Variants in NRCAM observed in about 807,000 individuals in gnomAD.
NRCAM encodes neuronal cell adhesion molecule, also known as NgCAM-related cell adhesion molecule.
In NRCAM, 83 loss-of-function variants were observed where a neutral mutation model predicts 156.5. The ratio of observed to expected loss-of-function variants is 0.53; its 90% CI spans 0.44 to 0.64. The LOEUF is 0.64. NRCAM is among the 30% of genes least tolerant of loss of function. The probability of loss-of-function intolerance (pLI) is 0.00; values close to 1 mark genes in which losing one functional copy is unlikely to be tolerated. For missense variants in NRCAM, 1,417 were observed against 1,597.3 expected (o/e 0.89, Z 1.92); for synonymous variants, 538 against 563.9 (o/e 0.95, Z 0.65).
intron 11 of NRCAM, among the ~76,000 whole-genome samples, chr7:108,223,204 C>T (rs1431132144): frequency 1.3e-5 from 2 of 152,060 alleles, no homozygotes; most frequent in African/African-American, 4.8e-5. Context: ...GCCAGTAGAC[C>T]CCAAGAGCAC....
intron 1 of NRCAM, among the ~76,000 whole-genome samples, chr7:108,404,844 T>C (rs1399497121): frequency 6.6e-6 from 1 of 152,162 alleles, no homozygotes; most frequent in African/African-American, 2.4e-5. Flanking sequence ...GTTGTTGGAT[T>C]TGTTGCTAGG....
rs1308487322 is a variant in NRCAM at position 108,187,627 on chromosome 7, T to C, written c.2035+2018A>G. On this transcript the variant is annotated intron_variant, in intron 20 of 32. Coordinates refer to ENST00000379028, the MANE Select transcript of NRCAM (RefSeq NM_001037132.4). ...AATAGATATATATGAGTTTGAGTCC[T>C]CTAGGGAGCAAAGGCTAAGACAGAA... Among the ~76,000 whole-genome samples, 3 of 152,296 alleles carry C rather than the reference T, an allele frequency of 2.0e-5. No homozygotes were observed. The East Asian group carries it at 5.8e-4, about 29-fold the overall frequency.
chr7:108,174,038 T>A (rs1247463395), intron 28 of NRCAM, among the ~76,000 whole-genome samples: 1 of 152,154 alleles, frequency 6.6e-6, no homozygotes, highest in Non-Finnish European at 1.5e-5. Context: ...AGGCTTTTAG[T>A]GAAATGCTCC....
At chr7:108,255,051 A>G (rs2096559785) in intron 3 of NRCAM, among the ~76,000 whole-genome samples, 1 of 152,226 alleles carries the variant, frequency 6.6e-6, no homozygotes, top group South Asian at 2.1e-4. Flanking sequence ...TGGTATATTC[A>G]TATAATGGAA....
chr7:108,426,161 C>T (rs919657914), intron 1 of NRCAM, among the ~76,000 whole-genome samples: 1 of 152,226 alleles, frequency 6.6e-6, no homozygotes, highest in Non-Finnish European at 1.5e-5. Context: ...ATCAGAACTA[C>T]ACATGAAGCA....
chr7:108,259,468 T>C (rs2096806619), intron 3 of NRCAM, among the ~76,000 whole-genome samples: 5 of 152,216 alleles, frequency 3.3e-5, no homozygotes, highest in Admixed American at 3.3e-4. Context: ...AGAAATACCA[T>C]TTGACCCAGC....
In NRCAM at chr7:108,329,780, A is replaced by C. The variant is rs1448897173; in HGVS notation, c.-173-17049T>G. On this transcript the variant is annotated intron_variant, in intron 2 of 32. Coordinates refer to ENST00000379028, the MANE Select transcript of NRCAM (RefSeq NM_001037132.4). ...GTAATCACATGACCTCTGAAACCCAACCAAGTAGAGACATCAGAGAATCTT... is the reference window on the plus strand; with the variant it reads ...GTAATCACATGACCTCTGAAACCCACCCAAGTAGAGACATCAGAGAATCTT... 2.0e-5 allele frequency among the ~76,000 whole-genome samples: 3 copies of C among 152,144 alleles called. No individual in the cohort carries two copies. The East Asian group carries it at 5.8e-4, about 29-fold the overall frequency.
intron 32 of NRCAM, among the ~76,000 whole-genome samples, chr7:108,153,112 A>C (rs2042725969): frequency 6.6e-6 from 1 of 152,168 alleles, no homozygotes; most frequent in Admixed American, 6.5e-5. Context: ...CTAGTATAAC[A>C]TTGATATCCA....
chr7:108,268,363 G>C (rs1296364212), intron 3 of NRCAM, among the ~76,000 whole-genome samples: 1 of 152,152 alleles, frequency 6.6e-6, no homozygotes, highest in Non-Finnish European at 1.5e-5. Flanking sequence ...GCAGTGCTCT[G>C]AAAGGGCTAC....
At chr7:108,310,857 C>G (rs1172603834) in intron 3 of NRCAM, among the ~76,000 whole-genome samples, 1 of 152,114 alleles carries the variant, frequency 6.6e-6, no homozygotes, top group Non-Finnish European at 1.5e-5. Flanking sequence ...TAACAAAAGG[C>G]TAGCCAGAAA....
intron 1 of NRCAM, among the ~76,000 whole-genome samples, chr7:108,442,316 G>A (rs1205833536): frequency 2.0e-5 from 3 of 152,118 alleles, no homozygotes; most frequent in Non-Finnish European, 4.4e-5. Context: ...GGATCTCTTG[G>A]TCACAGGTGT....
At chr7:108,384,821 T>C (rs777716264) in intron 2 of NRCAM, among the ~76,000 whole-genome samples, 16 of 152,330 alleles carry the variant, frequency 1.1e-4, no homozygotes, top group African/African-American at 3.1e-4. Flanking sequence ...GTGCCTACTA[T>C]TGGTTCATCA....
At chr7:108,281,927 A>G (rs1427481809) in intron 3 of NRCAM, among the ~76,000 whole-genome samples, 1 of 152,244 alleles carries the variant, frequency 6.6e-6, no homozygotes, top group Admixed American at 6.5e-5. Flanking sequence ...GATTTCTTCC[A>G]GGAGCAGAAC....
chr7:108,259,234 C>T (rs2096797343), intron 3 of NRCAM, among the ~76,000 whole-genome samples: 1 of 152,212 alleles, frequency 6.6e-6, no homozygotes, highest in South Asian at 2.1e-4. Context: ...TTCTTTTACT[C>T]CATAAATTGT....
intron 1 of NRCAM, among the ~76,000 whole-genome samples, chr7:108,402,980 C>T (rs573495492): frequency 1.0e-3 from 152 of 152,284 alleles, no homozygotes; most frequent in Non-Finnish European, 4.3e-4. Flanking sequence ...GTGTCAGTCC[C>T]TTGAGTCATC....
rs748603748 is a variant in NRCAM, at chr7:108,237,706, T to C, written c.124+46A>G. On this transcript the variant is annotated intron_variant, in intron 5 of 32. Coordinates refer to ENST00000379028, the MANE Select transcript of NRCAM (RefSeq NM_001037132.4). ...AATATTAATTCAAAAAGCAAAGACA[T>C]GGTCACATTTTCACACTGCCTAGTA... 10 of 1,471,406 alleles carry C rather than the reference T, an allele frequency of 6.8e-6. No individual in the cohort carries two copies. The South Asian group carries it at 9.8e-5, about 14-fold the overall frequency. 91.1% of individuals were successfully genotyped at this position (1,471,406 alleles called of 1,614,324 possible).
intron 1 of NRCAM, among the ~76,000 whole-genome samples, chr7:108,446,361 C>T (rs889487761): frequency 6.6e-6 from 1 of 152,120 alleles, no homozygotes; most frequent in Non-Finnish European, 1.5e-5. Context: ...GTCTTCAAAC[C>T]AGGGCTGAGA....
intron 2 of NRCAM, among the ~76,000 whole-genome samples, chr7:108,372,450 C>T (rs942437476): frequency 5.3e-5 from 8 of 152,200 alleles, no homozygotes; most frequent in African/African-American, 1.7e-4. Context: ...TATCTGCAAA[C>T]CATTTGCCCG....
intron 5 of NRCAM, among the ~76,000 whole-genome samples, chr7:108,237,317 T>C (rs1356220077): frequency 6.6e-6 from 1 of 152,148 alleles, no homozygotes; most frequent in Admixed American, 6.6e-5. Context: ...TCACGAAGGC[T>C]GAAGAAGCAT....
Sources: gnomAD v4.1 joint callset for allele counts (sites outside exome capture counted in the v4.1 genomes callset) on GRCh38, gnomAD v4.1.1 for gene constraint, MANE v1.5 for transcripts, NCBI Gene and HGNC (gene_info 2026-07-23, HGNC 2026-07-21) for gene names.